Variants in BRAF observed in about 807,000 individuals in gnomAD.
The protein encoded by BRAF is B-Raf proto-oncogene, serine/threonine kinase, also known as serine/threonine-protein kinase B-raf.
A neutral mutation model predicts 104.6 loss-of-function variants in BRAF; 16 were observed. That is an observed-to-expected ratio of 0.15 (90% CI 0.10 to 0.23). The LOEUF is 0.23. Ranked by LOEUF, BRAF falls within the 10% of genes least tolerant of loss-of-function variation. The pLI, the probability that BRAF is intolerant of heterozygous loss-of-function variation, is 1.00. For synonymous variants in BRAF, 310 were observed against 341.6 expected (o/e 0.91, Z 1.02); for missense variants, 541 against 937.3 (o/e 0.58, Z 5.52).
intron 10 of BRAF, 85 bp from the exon 10 acceptor site, chr7:140,783,242 G>A: frequency 2.0e-6 from 3 of 1,518,840 alleles, no homozygotes; most frequent in Non-Finnish European, 2.7e-6. Flanking sequence ...GGGATATTTA[G>A]ACTTAATTTT....
chr7:140,762,189 G>A (rs564665821), intron 14 of BRAF, among the ~76,000 whole-genome samples: 34 of 152,122 alleles, frequency 2.2e-4, no homozygotes, highest in Non-Finnish European at 4.0e-4. Flanking sequence ...AACAAACTGT[G>A]TCTCAGACCA....
intron 7 of BRAF, among the ~76,000 whole-genome samples, chr7:140,795,941 A>G (rs1417560601): frequency 6.6e-6 from 1 of 152,172 alleles, no homozygotes; most frequent in Non-Finnish European, 1.5e-5. Context: ...GTAGCCAAAT[A>G]TATGTCTATA....
At chr7:140,891,792 G>A (rs1814251433) in intron 1 of BRAF, among the ~76,000 whole-genome samples, 1 of 152,076 alleles carries the variant, frequency 6.6e-6, no homozygotes, top group Non-Finnish European at 1.5e-5. Context: ...GAAAATGAAG[G>A]AAGAGAGCAT....
intron 4 of BRAF, 176 bp from the exon 5 acceptor site, chr7:140,808,238 C>A (rs568680641): frequency 1.5e-6 from 1 of 659,368 alleles, no homozygotes; most frequent in South Asian, 1.5e-5. Flanking sequence ...TAAGTTTACC[C>A]CAAATAAATG....
chr7:140,819,569 G>A (rs1805253251), intron 3 of BRAF, among the ~76,000 whole-genome samples: 1 of 152,136 alleles, frequency 6.6e-6, no homozygotes, highest in African/African-American at 2.4e-5. Flanking sequence ...CAGCTAAAAA[G>A]TAGAAACGAC....
Position 140,800,146 on chromosome 7 carries a change from A to T in BRAF, c.980+216T>A, listed in dbSNP as rs376685635. 6.1e-5 allele frequency: 43 copies of T among 709,904 alleles called. No individual in the cohort carries two copies. In the East Asian group the frequency reaches 7.2e-4, roughly 12 times the overall value. 44.0% of individuals were successfully genotyped at this position (709,904 alleles called of 1,614,324 possible). A position where few individuals can be genotyped will look rare whatever the true frequency, so the allele number is the denominator to read the frequency against. On this transcript the variant is annotated intron_variant, in intron 7 of 19. Coordinates refer to ENST00000644969, the MANE Select transcript of BRAF (RefSeq NM_001374258.1). ...AGAAGTCAAATCATACCCAATATTG[A>T]TTTTTTCAGGACTGATTCTGAAATA...
chr7:140,910,743 T>C (rs1196285463), intron 1 of BRAF, among the ~76,000 whole-genome samples: 1 of 152,120 alleles, frequency 6.6e-6, no homozygotes, highest in African/African-American at 2.4e-5. Flanking sequence ...GGTGTGATCA[T>C]AGCTCACTGC....
At chr7:140,736,196 G>A (rs546837307) in intron 18 of BRAF, among the ~76,000 whole-genome samples, 1 of 150,508 alleles carries the variant, frequency 6.6e-6, no homozygotes, top group African/African-American at 2.4e-5. Flanking sequence ...TCAGCCTCCC[G>A]AGTAGCTGGG....
At chr7:140,752,161 A>G (rs1797846024) in intron 16 of BRAF, among the ~76,000 whole-genome samples, 1 of 152,200 alleles carries the variant, frequency 6.6e-6, no homozygotes, top group South Asian at 2.1e-4. Flanking sequence ...AATAACTATT[A>G]TCAAAAAAAA....
intron 1 of BRAF, among the ~76,000 whole-genome samples, chr7:140,923,904 G>C (rs1203644933): frequency 6.6e-6 from 1 of 152,212 alleles, no homozygotes; most frequent in Admixed American, 6.5e-5. Flanking sequence ...ACCAATCAGC[G>C]ACAGAGCGCT....
At chr7:140,849,609 G>C (rs1011706998) in intron 2 of BRAF, among the ~76,000 whole-genome samples, 2 of 151,314 alleles carry the variant, frequency 1.3e-5, no homozygotes, top group Non-Finnish European at 2.9e-5. Flanking sequence ...AAGTCAGTTC[G>C]AGACCAGCCT....
intron 7 of BRAF, chr7:140,799,053 C>G (rs1802809505): frequency 5.6e-6 from 1 of 178,260 alleles, no homozygotes; most frequent in East Asian, 9.5e-5. Flanking sequence ...AGGGTTTCAC[C>G]ATGTTGGCCA....
intron 17 of BRAF, among the ~76,000 whole-genome samples, chr7:140,744,652 G>C (rs1369567762): frequency 6.6e-6 from 1 of 151,942 alleles, no homozygotes; most frequent in African/African-American, 2.4e-5. Flanking sequence ...CTTTAAAAAT[G>C]AAATATGGAA....
intron 1 of BRAF, among the ~76,000 whole-genome samples, chr7:140,906,087 CAAAA>C (rs61150735): frequency 2.2e-4 from 10 of 44,714 alleles, no homozygotes; most frequent in African/African-American, 7.1e-4. Context: ...GACTCCGTCT[CAAAA>C]AAAAAAAAAA....
At chr7:140,753,959 T>A (rs1797996170) in intron 15 of BRAF, 1 of 573,766 alleles carries the variant, frequency 1.7e-6, no homozygotes, top group East Asian at 2.9e-5. Context: ...AAACTCCTAC[T>A]ATTGTAAAGA....
At chr7:140,872,394 A>G (rs1293955403) in intron 1 of BRAF, among the ~76,000 whole-genome samples, 1 of 152,098 alleles carries the variant, frequency 6.6e-6, no homozygotes, top group Non-Finnish European at 1.5e-5. Flanking sequence ...AAATTATGAG[A>G]GTAAAGTTAA....
At chr7:140,892,360 A>G (rs1239089180) in intron 1 of BRAF, among the ~76,000 whole-genome samples, 1 of 152,250 alleles carries the variant, frequency 6.6e-6, no homozygotes, top group Non-Finnish European at 1.5e-5. Flanking sequence ...GGAGCTATAT[A>G]ATATAGTACA....
At chr7:140,816,410 CTATT>C (rs1474399643) in intron 3 of BRAF, among the ~76,000 whole-genome samples, 3 of 152,286 alleles carry the variant, frequency 2.0e-5, no homozygotes, top group East Asian at 3.9e-4. Context: ...TCCATTGAAA[CTATT>C]TATTTGTACT....
rs571784142 is a variant in BRAF at position 140,803,676 on chromosome 7, A to C, written c.712-2116T>G. On this transcript the variant is annotated intron_variant, in intron 5 of 19. Transcript: ENST00000644969. ...GGTGAAACTTAGAAGGCAACATGTT[A>C]AGAATTCCATGTCAAAGGCAAATGA... Among the ~76,000 whole-genome samples the C allele has an allele frequency of 7.9e-5, 12 of 152,354 alleles. No homozygotes were observed. In the East Asian group the frequency reaches 2.1e-3, roughly 27 times the overall value.
Sources: gnomAD v4.1 joint callset for allele counts (sites outside exome capture counted in the v4.1 genomes callset) on GRCh38, gnomAD v4.1.1 for gene constraint, MANE v1.5 for transcripts, NCBI Gene and HGNC (gene_info 2026-07-23, HGNC 2026-07-21) for gene names.